Variants in CDH12 observed in about 807,000 individuals in gnomAD.
CDH12 encodes the protein cadherin-12.
Under a neutral mutation model 74.1 loss-of-function variants are expected in CDH12, and 41 were observed. That is an observed-to-expected ratio of 0.55 (90% CI 0.43 to 0.72). The LOEUF is 0.72. Among genes scored for constraint, CDH12 ranks in the 30% least tolerant of loss-of-function variants. CDH12 has a pLI of 0.00. For missense variants in CDH12, 945 were observed against 977.2 expected (o/e 0.97, Z 0.44); for synonymous variants, 399 against 355.0 (o/e 1.12, Z -1.39).
chr5:22,779,723 C>G (rs148130644), intron 1 of CDH12, among the ~76,000 whole-genome samples: 257 of 152,166 alleles, frequency 1.7e-3, no homozygotes, highest in African/African-American at 6.0e-3. Context: ...CTCCTGTCCC[C>G]ATGTAAGATG....
At chr5:22,419,798 C>T (rs1476379105) in intron 2 of CDH12, among the ~76,000 whole-genome samples, 5 of 152,194 alleles carry the variant, frequency 3.3e-5, no homozygotes, top group Non-Finnish European at 7.3e-5. Flanking sequence ...TTCTCCACAG[C>T]CTCACCAGCA....
At chr5:22,345,956 A>C (rs1838317) in intron 3 of CDH12, among the ~76,000 whole-genome samples, 3,847 of 152,128 alleles carry the variant, frequency 0.025, 103 homozygotes, top group East Asian at 0.11. Flanking sequence ...ATACAAAAAA[A>C]TTAGCTGGCT....
intron 5 of CDH12, among the ~76,000 whole-genome samples, chr5:21,985,209 T>A (rs1580069040): frequency 6.6e-6 from 1 of 152,206 alleles, no homozygotes; most frequent in African/African-American, 2.4e-5. Context: ...GGTCCCCATT[T>A]TGAATTTTTC....
intron 4 of CDH12, among the ~76,000 whole-genome samples, chr5:22,088,021 C>T (rs1743181713): frequency 6.6e-6 from 1 of 152,026 alleles, no homozygotes; most frequent in Admixed American, 6.6e-5. Flanking sequence ...TTTCTGAATT[C>T]CCAATTTTAT....
chr5:21,813,515 T>C (rs1747870385), intron 9 of CDH12, among the ~76,000 whole-genome samples: 1 of 98,252 alleles, frequency 1.0e-5, no homozygotes, highest in African/African-American at 3.9e-5. Context: ...AATAAAAGAG[T>C]AAAAGTGATC....
rs1737628244 is a variant in CDH12 at position 22,853,067 on chromosome 5, G to C, written c.-532C>G. 1 of 152,498 alleles carries C rather than the reference G, an allele frequency of 6.6e-6. No individual in the cohort carries two copies. Among genetic ancestry groups the C allele is most frequent in the African/African-American group, 2.4e-5 (1 of 41,580 alleles). 9.4% of individuals were successfully genotyped at this position (152,498 alleles called of 1,614,324 possible). A position where few individuals can be genotyped will look rare whatever the true frequency, so the allele number is the denominator to read the frequency against. On this transcript the variant is annotated 5_prime_UTR_variant, in exon 1 of 15. Coordinates refer to ENST00000382254, the MANE Select transcript of CDH12 (RefSeq NM_004061.5). Reference sequence around the variant, plus strand: ...AAAACGGAAGCCTTACCTGATGGCAGAAAAGGCAGCTGCAGGAGCAGCAGC... The same window carrying C: ...AAAACGGAAGCCTTACCTGATGGCACAAAAGGCAGCTGCAGGAGCAGCAGC...
At chr5:22,417,120 T>C (rs1428864190) in intron 2 of CDH12, among the ~76,000 whole-genome samples, 1 of 152,246 alleles carries the variant, frequency 6.6e-6, no homozygotes, top group Non-Finnish European at 1.5e-5. Flanking sequence ...TTGAAAATGT[T>C]TATTTAAAAC....
intron 3 of CDH12, among the ~76,000 whole-genome samples, chr5:22,376,005 C>T (rs997595147): frequency 2.0e-5 from 3 of 152,170 alleles, no homozygotes; most frequent in Non-Finnish European, 4.4e-5. Context: ...GGGACACCTG[C>T]ACTTGCATGT....
intron 1 of CDH12, among the ~76,000 whole-genome samples, chr5:22,513,624 A>G (rs1421849314): frequency 6.6e-6 from 1 of 152,110 alleles, no homozygotes; most frequent in Non-Finnish European, 1.5e-5. Flanking sequence ...TAAAATTTGC[A>G]ATATAGAAGG....
intron 11 of CDH12, among the ~76,000 whole-genome samples, chr5:21,772,623 G>T (rs1012221188): frequency 1.3e-5 from 2 of 152,140 alleles, no homozygotes; most frequent in African/African-American, 4.8e-5. Context: ...GTATGAACTT[G>T]TAAGTATCAT....
chr5:21,851,469 A>G (rs2149997253), intron 7 of CDH12, among the ~76,000 whole-genome samples: 1 of 150,550 alleles, frequency 6.6e-6, no homozygotes, highest in East Asian at 1.9e-4. Context: ...TAATTTATAT[A>G]ATAAAATAAT....
intron 2 of CDH12, among the ~76,000 whole-genome samples, chr5:22,478,417 C>CAAAAA (rs34576542): frequency 1.1e-3 from 93 of 84,230 alleles, no homozygotes; most frequent in East Asian, 1.7e-3. Flanking sequence ...GACTCCGTCT[C>CAAAAA]AAAAAAAAAA....
intron 1 of CDH12, among the ~76,000 whole-genome samples, chr5:22,829,570 G>A (rs1218902618): frequency 6.6e-6 from 1 of 152,152 alleles, no homozygotes; most frequent in Admixed American, 6.5e-5. Flanking sequence ...TTTAACTGAG[G>A]CTTGGCTATG....
chr5:21,755,119 C>T (rs16888493), intron 14 of CDH12, among the ~76,000 whole-genome samples: 5,263 of 152,236 alleles, frequency 0.035, 109 homozygotes, highest in Middle Eastern at 0.062. Context: ...TCTTTCTGTT[C>T]GCTCTTTTAT....
chr5:22,624,035 G>C (rs1738133081), intron 1 of CDH12, among the ~76,000 whole-genome samples: 1 of 152,098 alleles, frequency 6.6e-6, no homozygotes, highest in Non-Finnish European at 1.5e-5. Context: ...TCTGATCTTT[G>C]ACAAACCTGA....
At chr5:22,487,369 A>T (rs1746652007) in intron 2 of CDH12, among the ~76,000 whole-genome samples, 1 of 152,190 alleles carries the variant, frequency 6.6e-6, no homozygotes, top group South Asian at 2.1e-4. Flanking sequence ...TATAGTGGAC[A>T]ACAAGGTAAA....
At chr5:22,039,669 A>G (rs1739432712) in intron 5 of CDH12, among the ~76,000 whole-genome samples, 1 of 152,152 alleles carries the variant, frequency 6.6e-6, no homozygotes, top group Non-Finnish European at 1.5e-5. Context: ...CACTGTTGCC[A>G]CAGACTTCTA....
intron 3 of CDH12, among the ~76,000 whole-genome samples, chr5:22,399,911 A>G (rs1202806514): frequency 1.3e-5 from 2 of 152,206 alleles, no homozygotes; most frequent in Non-Finnish European, 2.9e-5. Flanking sequence ...ATTATAACCA[A>G]CAAAATCTCT....
chr5:22,476,986 C>T (rs1746194420), intron 2 of CDH12, among the ~76,000 whole-genome samples: 1 of 152,052 alleles, frequency 6.6e-6, no homozygotes, highest in East Asian at 1.9e-4. Flanking sequence ...CCCCAAGGCC[C>T]ATCAATAGGC....
Sources: allele counts gnomAD v4.1 joint callset (sites outside exome capture counted in the v4.1 genomes callset), GRCh38; gene constraint gnomAD v4.1.1; transcripts MANE v1.5; gene names NCBI Gene and HGNC (gene_info 2026-07-23, HGNC 2026-07-21).